Variants in ERI1 observed in about 807,000 individuals in gnomAD.
The protein encoded by ERI1 is exoribonuclease 1, also known as 3'-5' exoribonuclease 1.
Under a neutral mutation model 39.7 loss-of-function variants are expected in ERI1, and 39 were observed. The ratio of observed to expected loss-of-function variants is 0.98; its 90% CI spans 0.76 to 1.28. The LOEUF (loss-of-function observed/expected upper bound fraction) is 1.28. Ranked by LOEUF, ERI1 falls within the 50% of genes most tolerant of loss-of-function variation. ERI1 has a pLI of 0.00. For synonymous variants in ERI1, 204 were observed against 149.6 expected (o/e 1.36, Z -2.65); for missense variants, 581 against 416.9 (o/e 1.39, Z -3.43).
At chr8:9,025,585 T>G (rs1313232484) in intron 6 of ERI1, among the ~76,000 whole-genome samples, 3 of 152,228 alleles carry the variant, frequency 2.0e-5, no homozygotes, top group Non-Finnish European at 4.4e-5. Context: ...GGTTTGTTCT[T>G]TGTCTAGATT....
intron 3 of ERI1, among the ~76,000 whole-genome samples, chr8:9,096,065 T>C (rs564904441): frequency 6.6e-6 from 1 of 152,208 alleles, no homozygotes; most frequent in Non-Finnish European, 1.5e-5. Context: ...ACTGTCTAAA[T>C]GTATTGCTGA....
At chr8:9,084,971 C>A (rs1799480262) in intron 3 of ERI1, among the ~76,000 whole-genome samples, 1 of 151,952 alleles carries the variant, frequency 6.6e-6, no homozygotes, top group East Asian at 1.9e-4. Flanking sequence ...AAAATGTAAT[C>A]CCCCCTGCAT....
intron 3 of ERI1, among the ~76,000 whole-genome samples, chr8:9,068,932 T>G (rs1288836561): frequency 6.6e-6 from 1 of 152,130 alleles, no homozygotes; most frequent in Non-Finnish European, 1.5e-5. Context: ...TCCTCTTGCC[T>G]CAGCCCTCCC....
chr8:9,095,631 C>A (rs1241309736), intron 3 of ERI1, among the ~76,000 whole-genome samples: 2 of 152,060 alleles, frequency 1.3e-5, no homozygotes, highest in African/African-American at 4.8e-5. Flanking sequence ...GGTGATCCTC[C>A]CACCTTAGAC....
chr8:9,043,920 A>G (rs1798099595), intron 3 of ERI1, among the ~76,000 whole-genome samples: 1 of 152,250 alleles, frequency 6.6e-6, no homozygotes. Context: ...AGGGAAAGAT[A>G]GTTAACAATG....
In ERI1 at chr8:9,054,148, A is replaced by C. The variant is rs1234876706; in HGVS notation, n.299+33684A>C. 2.0e-5 allele frequency among the ~76,000 whole-genome samples: 3 copies of C among 152,304 alleles called. No homozygotes were observed. In the East Asian group the frequency reaches 5.8e-4, roughly 29 times the overall value. On this transcript the variant is annotated intron_variant and non_coding_transcript_variant, in intron 3 of 3. Coordinates refer to the ERI1 transcript ENST00000518663. ...TACCATGGAAAAGCAACATCAGGGG[A>C]TTGCATACATTAAAGGTGATATAAA... is the stretch of plus-strand genomic sequence containing the variant.
chr8:9,038,280 G>C (rs1351294127), downstream of ERI1, among the ~76,000 whole-genome samples: 1 of 152,034 alleles, frequency 6.6e-6, no homozygotes, highest in Admixed American at 6.6e-5. Flanking sequence ...CCTCTTATCC[G>C]TGGTTTTGCT....
chr8:9,034,923 CTTA>C (rs959464160), downstream of ERI1, among the ~76,000 whole-genome samples: 29 of 152,282 alleles, frequency 1.9e-4, no homozygotes, highest in African/African-American at 6.5e-4. Context: ...GCAAAACAGC[CTTA>C]TTACTGATAT....
At chr8:9,084,083 G>A (rs527691872) in intron 3 of ERI1, among the ~76,000 whole-genome samples, 85 of 152,194 alleles carry the variant, frequency 5.6e-4, no homozygotes, top group African/African-American at 1.8e-3. Context: ...GTGAGCCGCC[G>A]TGCCCAGCCT....
intron 1 of ERI1, among the ~76,000 whole-genome samples, chr8:9,006,685 T>C (rs918518185): frequency 2.6e-5 from 4 of 152,120 alleles, no homozygotes; most frequent in East Asian, 1.9e-4. Context: ...ACTTTTTTTT[T>C]CCTTAACATT....
intron 3 of ERI1, among the ~76,000 whole-genome samples, chr8:9,064,474 C>A (rs1053520466): frequency 6.7e-6 from 1 of 150,218 alleles, no homozygotes; most frequent in Non-Finnish European, 1.5e-5. Context: ...GTGACTGGCA[C>A]CGGAGTTTTG....
chr8:9,079,148 T>C, intron 3 of ERI1, among the ~76,000 whole-genome samples: 1 of 152,116 alleles, frequency 6.6e-6, no homozygotes. Context: ...AATTTTAATA[T>C]GAGAAAGAAA....
At chr8:9,038,309 CCAAGGTGCAGTAA>C (rs1797914875), downstream of ERI1, among the ~76,000 whole-genome samples, 3 of 152,230 alleles carry the variant, frequency 2.0e-5, no homozygotes, top group South Asian at 6.2e-4. Context: ...TTTCAGTTAC[CCAAGGTGCAGTAA>C]CAAGATATTT....
At chr8:9,080,808 G>A (rs887561928) in intron 3 of ERI1, among the ~76,000 whole-genome samples, 1 of 152,136 alleles carries the variant, frequency 6.6e-6, no homozygotes, top group Non-Finnish European at 1.5e-5. Flanking sequence ...TCAGCTAAAT[G>A]GGGGGTGGAG....
chr8:9,072,683 T>C (rs1331574033), intron 3 of ERI1, among the ~76,000 whole-genome samples: 1 of 152,090 alleles, frequency 6.6e-6, no homozygotes, highest in Non-Finnish European at 1.5e-5. Flanking sequence ...TAAATCTCCA[T>C]CTCACTCCGC....
chr8:9,023,694 C>A (rs1156472371), intron 6 of ERI1, among the ~76,000 whole-genome samples: 3 of 122,280 alleles, frequency 2.5e-5, no homozygotes, highest in African/African-American at 7.6e-5. Context: ...TATCTAAGAC[C>A]TAAATAAAAC....
intron 3 of ERI1, among the ~76,000 whole-genome samples, chr8:9,058,532 T>C (rs138016373): frequency 5.9e-5 from 9 of 152,366 alleles, no homozygotes; most frequent in African/African-American, 1.9e-4. Context: ...CATTCTTTGA[T>C]GATCTTCATG....
chr8:9,096,674 A>C (rs868182436), intron 3 of ERI1: 61 of 150,436 alleles, frequency 4.1e-4, no homozygotes, highest in African/African-American at 1.5e-3. Flanking sequence ...CGTTCTATGA[A>C]ATGAAATGTC....
At chr8:9,007,933 T>C (rs771007434) in intron 1 of ERI1, 37 bp from the exon 2 acceptor site, 13 of 1,180,358 alleles carry the variant, frequency 1.1e-5, no homozygotes, top group Non-Finnish European at 1.5e-5. Context: ...ATAAACTACA[T>C]CCTTTTTTTT....
Sources: gnomAD v4.1 joint callset for allele counts (sites outside exome capture counted in the v4.1 genomes callset) on GRCh38, gnomAD v4.1.1 for gene constraint, MANE v1.5 for transcripts, NCBI Gene and HGNC (gene_info 2026-07-23, HGNC 2026-07-21) for gene names.